Variants in SORBS2 observed in about 807,000 individuals in gnomAD.
The protein encoded by SORBS2 is sorbin and SH3 domain-containing protein 2.
Under a neutral mutation model 97.7 loss-of-function variants are expected in SORBS2, and 46 were observed. The ratio of observed to expected loss-of-function variants is 0.47; its 90% CI spans 0.37 to 0.60. SORBS2 has a LOEUF of 0.60. Ranked by LOEUF, SORBS2 falls within the 20% of genes least tolerant of loss-of-function variation. The pLI is 0.00. For synonymous variants in SORBS2, 476 were observed against 473.4 expected (o/e 1.01, Z -0.07); for missense variants, 1,316 against 1,282.3 (o/e 1.03, Z -0.40).
In SORBS2 at chr4:185,684,920, G is replaced by A; in HGVS notation, c.-197-6098C>T. On this transcript the variant is annotated intron_variant, in intron 2 of 20. Transcript: ENST00000284776. This position sits in a 1 kb window ranked among gnomAD's most constrained non-coding sequence, Gnocchi z 4.2. Reference sequence around the variant, plus strand: ...ACGTGCAATATCATGCGTTTTAAGAGAAATGTGCCAGACATCCATGAGAAA... The same window carrying A: ...ACGTGCAATATCATGCGTTTTAAGAAAAATGTGCCAGACATCCATGAGAAA... The A allele has an allele frequency of 8.9e-7, 1 of 1,127,628 alleles. No homozygotes were observed. The highest frequency in any genetic ancestry group is 1.3e-6 in the Non-Finnish European group (1 of 767,458). 69.9% of individuals were successfully genotyped at this position (1,127,628 alleles called of 1,614,324 possible). A position where few individuals can be genotyped will look rare whatever the true frequency, so the allele number is the denominator to read the frequency against.
intron 1 of SORBS2, among the ~76,000 whole-genome samples, chr4:185,891,065 A>G (rs2099242269): frequency 1.3e-5 from 2 of 152,230 alleles, no homozygotes; most frequent in Non-Finnish European, 2.9e-5. Context: ...GATTCCTTTC[A>G]GATCTAAAAT....
chr4:185,939,232 C>T (rs1473470709), intron 1 of SORBS2, among the ~76,000 whole-genome samples: 1 of 152,176 alleles, frequency 6.6e-6, no homozygotes, highest in Non-Finnish European at 1.5e-5. Flanking sequence ...GTCCATCCTT[C>T]TCTCATCAGA....
intron 1 of SORBS2, among the ~76,000 whole-genome samples, chr4:185,802,939 A>C (rs894943598): frequency 2.7e-4 from 41 of 152,196 alleles, no homozygotes; most frequent in Admixed American, 3.3e-4. Flanking sequence ...GGTTAGCGAG[A>C]GTGCATGCAG....
At chr4:185,677,625 G>A (rs555318008) in intron 4 of SORBS2, 1 of 1,510,670 alleles carries the variant, frequency 6.6e-7, no homozygotes, top group Non-Finnish European at 8.8e-7. Flanking sequence ...TTTTCTTTCT[G>A]GTGGAGGGGG....
At chr4:185,955,014 A>G (rs1436610541) in intron 1 of SORBS2, among the ~76,000 whole-genome samples, 4 of 152,208 alleles carry the variant, frequency 2.6e-5, no homozygotes, top group African/African-American at 9.6e-5. Flanking sequence ...AACTATAATC[A>G]ATGCCTTAAT....
intron 1 of SORBS2, among the ~76,000 whole-genome samples, chr4:185,848,362 T>C (rs1397892443): frequency 2.0e-5 from 3 of 152,198 alleles, no homozygotes; most frequent in African/African-American, 7.2e-5. Flanking sequence ...TGGTAACTTT[T>C]AGTTCATGAA....
intron 6 of SORBS2, 87 bp downstream of exon 18, chr4:185,626,745 G>A: frequency 8.2e-7 from 1 of 1,218,148 alleles, no homozygotes; most frequent in Non-Finnish European, 1.2e-6. Flanking sequence ...GCTGGCACAT[G>A]CCACTATCAC....
In SORBS2 at chr4:185,684,354, G is replaced by A. The variant is rs1475455488; in HGVS notation, c.-197-5532C>T. ...GCTGATTGGATTAAAGGAAAGCAAA[G>A]GTCTCTTTCAAAACTAATGTTCTAT... On this transcript the variant is annotated intron_variant, in intron 2 of 20. Transcript: ENST00000284776. This position sits in a 1 kb window ranked among gnomAD's most constrained non-coding sequence, Gnocchi z 4.2. Among the ~76,000 whole-genome samples the A allele has an allele frequency of 2.0e-5, 3 of 149,622 alleles. No homozygotes were observed. Among genetic ancestry groups the A allele is most frequent in the Admixed American group, 6.6e-5 (1 of 15,152 alleles).
intron 1 of SORBS2, among the ~76,000 whole-genome samples, chr4:185,863,241 T>G (rs1376466655): frequency 6.6e-6 from 1 of 152,192 alleles, no homozygotes; most frequent in East Asian, 1.9e-4. Flanking sequence ...ACAATGTGTA[T>G]AATATAGACC....
intron 4 of SORBS2, among the ~76,000 whole-genome samples, chr4:185,664,894 C>A (rs2097574570): frequency 6.6e-6 from 1 of 151,520 alleles, no homozygotes; most frequent in Non-Finnish European, 1.5e-5. Flanking sequence ...GATTTTTTTG[C>A]CTGAAGCTAT....
intron 1 of SORBS2, among the ~76,000 whole-genome samples, chr4:185,868,147 C>CTTTTTTTCTTT (rs2099228126): frequency 1.1e-5 from 1 of 89,766 alleles, no homozygotes; most frequent in Non-Finnish European, 2.2e-5. Context: ...CTTTTCTTTT[C>CTTTTTTTCTTT]TTTTTTTCTT....
chr4:185,820,581 G>A lies in SORBS2; in HGVS notation c.-337-45215C>T, dbSNP rs537646670. Among the ~76,000 whole-genome samples, 259 of 152,356 alleles carry A rather than the reference G, an allele frequency of 1.7e-3. 1 individual carries two copies. Among genetic ancestry groups the A allele is most frequent in the Non-Finnish European group, 3.3e-3 (223 of 68,038 alleles). On this transcript the variant is annotated intron_variant, in intron 1 of 20. Transcript: ENST00000284776. ...GGAGCTGAGACCACAGAGGGACAGG[G>A]ACAGAGGCTAGGGAGCAGCGTGCGC...
intron 1 of SORBS2, among the ~76,000 whole-genome samples, chr4:185,656,034 T>C (rs1243992714): frequency 3.3e-5 from 5 of 152,150 alleles, no homozygotes; most frequent in Non-Finnish European, 7.4e-5. Flanking sequence ...TAGAAGAAAG[T>C]TTCAAATTTA....
rs1269555022 is a variant in SORBS2, at chr4:185,820,712, G to T, written c.-337-45346C>A. Among the ~76,000 whole-genome samples the T allele has an allele frequency of 3.9e-5, 6 of 152,166 alleles. No homozygotes were observed. In the East Asian group the frequency reaches 9.6e-4, roughly 24 times the overall value. On this transcript the variant is annotated intron_variant, in intron 1 of 20. Transcript: ENST00000284776. Reference sequence around the variant, plus strand: ...AGGCACCGTGTTCTTTAAGAGTTCTGTAGCAGAGTCCTGGCAGTCCCGGGA... The same window carrying T: ...AGGCACCGTGTTCTTTAAGAGTTCTTTAGCAGAGTCCTGGCAGTCCCGGGA...
intron 2 of SORBS2, among the ~76,000 whole-genome samples, chr4:185,734,912 A>AAG (rs2098673097): frequency 6.6e-6 from 1 of 152,214 alleles, no homozygotes; most frequent in Non-Finnish European, 1.5e-5. Context: ...AAATTTGGCA[A>AAG]CAATCTTCTG....
At position 185,801,223 on chromosome 4, in the gene SORBS2, G is replaced by A. The variant is rs151086012; in HGVS notation, c.-337-25857C>T. On this transcript the variant is annotated intron_variant, in intron 1 of 20. Coordinates refer to the SORBS2 transcript ENST00000284776. ...TGGCAGGATTTTCTTCTTTTTTAGG[G>A]CTGAATAATATCCCATTGTGTGTAT... Among the ~76,000 whole-genome samples, 632 of 152,212 alleles carry A rather than the reference G, an allele frequency of 4.2e-3. 9 individuals are homozygous for A. The highest frequency in any genetic ancestry group is 0.014 in the Middle Eastern group (4 of 292).
rs1481507496 is a variant in SORBS2, at chr4:185,684,232, A to C, written c.-197-5410T>G. ...AGAGACCACCTGAGTGGATGCTGAA[A>C]TCTCGCACCCCCAGTGACTTCCTAT... On this transcript the variant is annotated intron_variant, in intron 2 of 20. Coordinates refer to the SORBS2 transcript ENST00000284776. This position sits in a 1 kb window ranked among gnomAD's most constrained non-coding sequence, Gnocchi z 4.2. 6.6e-6 allele frequency among the ~76,000 whole-genome samples: 1 copy of C among 152,148 alleles called. No homozygotes were observed. Among genetic ancestry groups the C allele is most frequent in the Non-Finnish European group, 1.5e-5 (1 of 68,030 alleles).
intron 1 of SORBS2, among the ~76,000 whole-genome samples, chr4:185,926,220 G>A (rs1355588000): frequency 6.6e-6 from 1 of 152,216 alleles, no homozygotes; most frequent in African/African-American, 2.4e-5. Flanking sequence ...GAAAATGACT[G>A]CCCTGGCTGC....
intron 1 of SORBS2, among the ~76,000 whole-genome samples, chr4:185,821,362 T>C (rs890880148): frequency 6.6e-6 from 1 of 152,174 alleles, no homozygotes; most frequent in African/African-American, 2.4e-5. Flanking sequence ...ACCTTGTTTT[T>C]CGTGGTAAGA....
Sources: allele counts gnomAD v4.1 joint callset (sites outside exome capture counted in the v4.1 genomes callset), GRCh38; gene constraint gnomAD v4.1.1; non-coding constraint Gnocchi (gnomAD v3.1); transcripts MANE v1.5; gene names NCBI Gene and HGNC (gene_info 2026-07-23, HGNC 2026-07-21).